TAOK3: variants seen among roughly 807,000 people sequenced by gnomAD.
The protein encoded by TAOK3 is TAO kinase 3.
A neutral mutation model predicts 120.4 loss-of-function variants in TAOK3; 40 were observed. The ratio of observed to expected loss-of-function variants is 0.33; its 90% confidence interval spans 0.26 to 0.43. TAOK3 has a LOEUF of 0.43. TAOK3 is among the 20% of genes least tolerant of loss of function. TAOK3 has a pLI of 1.00. For synonymous variants in TAOK3, 355 were observed against 387.5 expected (o/e 0.92, Z 0.99); for missense variants, 821 against 1,112.1 (o/e 0.74, Z 3.72).
At chr12:118,242,078 A>G (rs2040277361) in intron 5 of TAOK3, among the ~76,000 whole-genome samples, 2 of 149,270 alleles carry the variant, frequency 1.3e-5, no homozygotes, top group East Asian at 3.9e-4. Context: ...CAAGAGCAAA[A>G]CTCTGTCTCA....
At chr12:118,243,030 T>C (rs1362998126) in intron 5 of TAOK3, among the ~76,000 whole-genome samples, 2 of 151,908 alleles carry the variant, frequency 1.3e-5, no homozygotes, top group African/African-American at 2.4e-5. Context: ...AAAAATCACA[T>C]AGCAATTAAA....
chr12:118,181,159 A>T (rs1375613597), intron 15 of TAOK3, among the ~76,000 whole-genome samples: 16 of 152,122 alleles, frequency 1.1e-4, no homozygotes, highest in Admixed American at 3.9e-4. Context: ...AATATATTTG[A>T]ATGGACAAGA....
intron 2 of TAOK3, among the ~76,000 whole-genome samples, chr12:118,262,693 G>T (rs1191525074): frequency 2.6e-5 from 4 of 151,488 alleles, no homozygotes; most frequent in Non-Finnish European, 5.9e-5. Context: ...CAGGTGTGGT[G>T]TCACACACCT....
chr12:118,327,257 T>A (rs2043972333), intron 1 of TAOK3, among the ~76,000 whole-genome samples: 1 of 152,164 alleles, frequency 6.6e-6, no homozygotes, highest in Non-Finnish European at 1.5e-5. Context: ...GTATATTATA[T>A]CAAGTAACTC....
chr12:118,274,073 GT>G (rs2041821784), intron 1 of TAOK3, among the ~76,000 whole-genome samples: 1 of 151,502 alleles, frequency 6.6e-6, no homozygotes, highest in South Asian at 2.1e-4. Context: ...TTCTTCCCCC[GT>G]TTCCTTCCAC....
intron 13 of TAOK3, among the ~76,000 whole-genome samples, chr12:118,197,851 C>G (rs574025209): frequency 6.6e-6 from 1 of 152,000 alleles, no homozygotes; most frequent in South Asian, 2.1e-4. Flanking sequence ...CCACACCCGG[C>G]TAATTTTTTG....
intron 6 of TAOK3, 149 bp from the exon 7 acceptor site, chr12:118,238,318 G>A (rs2040105295): frequency 4.0e-6 from 2 of 495,486 alleles, no homozygotes; most frequent in Non-Finnish European, 7.2e-6. Context: ...AAGATAATAA[G>A]TGATCAGACA....
chr12:118,269,378 CTCT>C lies in TAOK3; in HGVS notation c.-193-2622_-193-2620del, dbSNP rs1265983464. 1.5e-3 allele frequency among the ~76,000 whole-genome samples: 212 copies of C among 145,522 alleles called. 1 individual carries two copies. The highest frequency in any genetic ancestry group is 2.2e-3 in the Non-Finnish European group (147 of 66,766). On this transcript the variant is annotated intron_variant, in intron 1 of 20. Transcript: ENST00000392533. ...TAATTAATTTTCTTTCTCTATCTCT[CTCT>C]TCTTTTTTTTTTTTTTTTTTTTTTT...
intron 5 of TAOK3, among the ~76,000 whole-genome samples, chr12:118,242,630 C>T (rs563955591): frequency 1.3e-5 from 2 of 152,182 alleles, no homozygotes; most frequent in South Asian, 2.1e-4. Context: ...GAGGCTGAGG[C>T]AGGTGGATCA....
intron 3 of TAOK3, among the ~76,000 whole-genome samples, chr12:118,251,684 T>A (rs948084338): frequency 1.3e-5 from 2 of 152,170 alleles, no homozygotes; most frequent in Non-Finnish European, 2.9e-5. Context: ...AAAAAGCAAA[T>A]AAACCACTAG....
chr12:118,186,760 C>G (rs1290842002), intron 14 of TAOK3, among the ~76,000 whole-genome samples: 1 of 152,146 alleles, frequency 6.6e-6, no homozygotes, highest in Non-Finnish European at 1.5e-5. Flanking sequence ...TAAAAAGTTA[C>G]AATGCTAAAG....
intron 3 of TAOK3, among the ~76,000 whole-genome samples, chr12:118,248,247 T>A (rs888656580): frequency 8.7e-5 from 13 of 149,534 alleles, no homozygotes; most frequent in Admixed American, 2.0e-4. Flanking sequence ...GAGTTTTTTT[T>A]AAAAAAGCAT....
chr12:118,333,283 T>C (rs2044227436), intron 1 of TAOK3, among the ~76,000 whole-genome samples: 1 of 152,182 alleles, frequency 6.6e-6, no homozygotes, highest in South Asian at 2.1e-4. Flanking sequence ...TCATACTGAA[T>C]ATGTCTTCTG....
At chr12:118,179,994 C>T (rs1387099320) in intron 15 of TAOK3, among the ~76,000 whole-genome samples, 1 of 140,648 alleles carries the variant, frequency 7.1e-6, no homozygotes, top group East Asian at 2.1e-4. Context: ...GTCACCCAGG[C>T]TGGAGTGCAA....
intron 1 of TAOK3, among the ~76,000 whole-genome samples, chr12:118,303,477 A>C (rs766334966): frequency 1.1e-4 from 17 of 152,212 alleles, no homozygotes; most frequent in Admixed American, 3.3e-4. Flanking sequence ...ACAATAGAAC[A>C]ATGCTATGAG....
chr12:118,230,767 C>A (rs1253010330), intron 9 of TAOK3, among the ~76,000 whole-genome samples: 1 of 152,132 alleles, frequency 6.6e-6, no homozygotes, highest in Admixed American at 6.6e-5. Context: ...CCACGCCCAG[C>A]CTACCTTGTG....
intron 17 of TAOK3, among the ~76,000 whole-genome samples, chr12:118,171,466 C>A (rs2138647175): frequency 6.6e-6 from 1 of 152,328 alleles, no homozygotes; most frequent in South Asian, 2.1e-4. Flanking sequence ...AAGTGATTCT[C>A]CTGCCTCAGT....
chr12:118,350,954 G>A lies in TAOK3; in HGVS notation c.-194+21694C>T, dbSNP rs553466891. ...AGCACTTTGGGAGGCTGAGGCAGGCGGATCACTTGAGGTCAGGACTTTGAG... is the reference window on the plus strand; with the variant it reads ...AGCACTTTGGGAGGCTGAGGCAGGCAGATCACTTGAGGTCAGGACTTTGAG... On this transcript the variant is annotated intron_variant, in intron 1 of 20. Coordinates refer to ENST00000392533, the MANE Select transcript of TAOK3 (RefSeq NM_016281.4). Among the ~76,000 whole-genome samples, 5 of 152,142 alleles carry A rather than the reference G, an allele frequency of 3.3e-5. No individual in the cohort carries two copies. In the East Asian group the frequency reaches 7.7e-4, roughly 24 times the overall value.
chr12:118,363,821 G>A (rs909331702), intron 1 of TAOK3, among the ~76,000 whole-genome samples: 1 of 151,842 alleles, frequency 6.6e-6, no homozygotes, highest in Non-Finnish European at 1.5e-5. Context: ...GCTGATAGGA[G>A]CCTAAAAACA....
Sources: allele counts gnomAD v4.1 joint callset (sites outside exome capture counted in the v4.1 genomes callset), GRCh38; gene constraint gnomAD v4.1.1; transcripts MANE v1.5; gene names NCBI Gene and HGNC (gene_info 2026-07-23, HGNC 2026-07-21).